The following BMAL2 variants were observed in gnomAD, a reference collection of about 807,000 sequenced individuals.
BMAL2 encodes basic helix-loop-helix ARNT-like protein 2.
At chr12:27,370,560 T>C in the BMAL2 span, among the ~76,000 whole-genome samples, 1 of 152,250 alleles carries the variant, frequency 6.6e-6, no homozygotes, top group Admixed American at 6.5e-5. Context: ...GTCCACCCTT[T>C]CTGTGGCACT....
the BMAL2 span, among the ~76,000 whole-genome samples, chr12:27,366,175 G>A: frequency 2.0e-5 from 3 of 152,020 alleles, no homozygotes; most frequent in African/African-American, 2.4e-5. Flanking sequence ...AATGTTTTAT[G>A]TATGATATCA....
chr12:27,382,327 G>A, the BMAL2 span, among the ~76,000 whole-genome samples: 106 of 152,276 alleles, frequency 7.0e-4, no homozygotes, highest in African/African-American at 2.5e-3. Context: ...AGCATCAACC[G>A]CATTCCTGTT....
At chr12:27,387,233 A>G in the BMAL2 span, 3 of 1,608,936 alleles carry the variant, frequency 1.9e-6, no homozygotes, top group Admixed American at 3.3e-5. Context: ...CCTAGACTGC[A>G]GAAGGCTTCT....
At chr12:27,401,361 CAGGT>C in the BMAL2 span, 2 of 1,612,244 alleles carry the variant, frequency 1.2e-6, no homozygotes, top group South Asian at 1.1e-5. Context: ...AAGCACAAAG[CAGGT>C]AGGTATGCAT....
At chr12:27,391,582 A>G in the BMAL2 span, among the ~76,000 whole-genome samples, 1 of 152,218 alleles carries the variant, frequency 6.6e-6, no homozygotes. Context: ...GTCCAATGGT[A>G]GCTCTATTTT....
the BMAL2 span, chr12:27,368,302 G>A: frequency 6.2e-7 from 1 of 1,614,142 alleles, no homozygotes; most frequent in African/African-American, 1.3e-5. Flanking sequence ...TTGCTCCTGT[G>A]GTTTCCAGCC....
the BMAL2 span, among the ~76,000 whole-genome samples, chr12:27,372,659 CTTAT>C: frequency 6.6e-6 from 1 of 152,014 alleles, no homozygotes. Flanking sequence ...CTCACTGATA[CTTAT>C]TATTATTTTT....
chr12:27,418,060 CTGTT>C, the BMAL2 span: 1 of 1,444,116 alleles, frequency 6.9e-7, no homozygotes, highest in Non-Finnish European at 9.7e-7. Context: ...AGGAACCTCA[CTGTT>C]TGTTACTCTG....
At chr12:27,414,666 G>C in the BMAL2 span, among the ~76,000 whole-genome samples, 1 of 152,048 alleles carries the variant, frequency 6.6e-6, no homozygotes, top group East Asian at 1.9e-4. Flanking sequence ...TTCTAAGAGG[G>C]ACGTTTATAG....
At chr12:27,369,361 A>C in the BMAL2 span, among the ~76,000 whole-genome samples, 1 of 151,960 alleles carries the variant, frequency 6.6e-6, no homozygotes, top group Non-Finnish European at 1.5e-5. Flanking sequence ...TTTTTAACTC[A>C]GTTCTTCCCA....
chr12:27,386,701 C>T, the BMAL2 span, among the ~76,000 whole-genome samples: 1 of 152,130 alleles, frequency 6.6e-6, no homozygotes, highest in African/African-American at 2.4e-5. Context: ...GCGATCTCGG[C>T]TCACTGCACC....
the BMAL2 span, chr12:27,380,192 G>T: frequency 1.9e-6 from 3 of 1,562,584 alleles, no homozygotes; most frequent in Admixed American, 5.1e-5. Context: ...CAACACGGGG[G>T]TGACTGGGGG....
At chr12:27,415,665 A>G in the BMAL2 span, among the ~76,000 whole-genome samples, 4 of 152,070 alleles carry the variant, frequency 2.6e-5, no homozygotes, top group African/African-American at 9.7e-5. Context: ...TTGTTTTTCT[A>G]TTTATCATGG....
chr12:27,332,997 G>A, the BMAL2 span: 1 of 1,127,008 alleles, frequency 8.9e-7, no homozygotes, highest in Non-Finnish European at 1.1e-6. Context: ...CGCCGCCTGG[G>A]CCGGGGCAGG....
chr12:27,408,432 G>T, the BMAL2 span, among the ~76,000 whole-genome samples: 3 of 152,182 alleles, frequency 2.0e-5, no homozygotes, highest in South Asian at 2.1e-4. Context: ...TGCAAGGCTG[G>T]TTCAACATAC....
the BMAL2 span, among the ~76,000 whole-genome samples, chr12:27,370,695 T>A: frequency 4.6e-5 from 7 of 152,138 alleles, no homozygotes; most frequent in African/African-American, 1.4e-4. Flanking sequence ...AACCTCCGCC[T>A]CCTGGGTTCA....
At chr12:27,333,214 C>T in the BMAL2 span, 11 of 1,054,478 alleles carry the variant, frequency 1.0e-5, no homozygotes, top group East Asian at 2.3e-4. Context: ...GGGAAGCGCC[C>T]GCGCCTGTCC....
At chr12:27,379,644 C>T in the BMAL2 span, among the ~76,000 whole-genome samples, 6 of 151,976 alleles carry the variant, frequency 3.9e-5, no homozygotes, top group African/African-American at 1.2e-4. Context: ...GGAGGATCTT[C>T]GCTGGGACAG....
chr12:27,345,459 A>G, the BMAL2 span, among the ~76,000 whole-genome samples: 1 of 152,282 alleles, frequency 6.6e-6, no homozygotes, highest in Admixed American at 6.5e-5. Context: ...CAGCTTTAAG[A>G]TGAGTAAATT....
Sources: gnomAD v4.1 joint callset for allele counts (sites outside exome capture counted in the v4.1 genomes callset) on GRCh38, gnomAD v4.1.1 for gene constraint, MANE v1.5 for transcripts, NCBI Gene and HGNC (gene_info 2026-07-23, HGNC 2026-07-21) for gene names.